The following GRM1 variants were observed in gnomAD, a reference collection of about 807,000 sequenced individuals.
GRM1 encodes glutamate metabotropic receptor 1.
In GRM1, 33 loss-of-function variants were observed where a neutral mutation model predicts 90.9. That is an observed-to-expected ratio of 0.36 (90% CI 0.28 to 0.49). GRM1 has a LOEUF of 0.49. Among genes scored for constraint, GRM1 ranks in the 20% least tolerant of loss-of-function variants. The probability of loss-of-function intolerance (pLI) is 0.99; values close to 1 mark genes in which losing one functional copy is unlikely to be tolerated. For synonymous variants in GRM1, 700 were observed against 613.2 expected (o/e 1.14, Z -2.09); for missense variants, 1,190 against 1,534.3 (o/e 0.78, Z 3.75).
intron 1 of GRM1, among the ~76,000 whole-genome samples, chr6:146,076,369 G>A (rs1776187135): frequency 6.6e-6 from 1 of 152,172 alleles, no homozygotes; most frequent in Admixed American, 6.6e-5. Flanking sequence ...CAGAGGTAAA[G>A]GAAGATGCAG....
intron 2 of GRM1, among the ~76,000 whole-genome samples, chr6:146,227,667 G>A (rs1470499172): frequency 1.3e-5 from 2 of 152,116 alleles, no homozygotes; most frequent in Non-Finnish European, 2.9e-5. Flanking sequence ...AGTAATAACA[G>A]AGATACCAAT....
intron 2 of GRM1, among the ~76,000 whole-genome samples, chr6:146,260,654 A>G (rs991742753): frequency 3.3e-5 from 5 of 152,008 alleles, no homozygotes; most frequent in African/African-American, 1.2e-4. Context: ...TAGCCATCCT[A>G]AAACGTGTGA....
chr6:146,353,537 G>A (rs765018037), intron 4 of GRM1, among the ~76,000 whole-genome samples: 30 of 152,312 alleles, frequency 2.0e-4, no homozygotes, highest in Non-Finnish European at 2.8e-4. Context: ...ATTGCAAGCG[G>A]TGGAGGCAAG....
chr6:146,220,576 C>G (rs1780026528), intron 2 of GRM1, among the ~76,000 whole-genome samples: 1 of 152,106 alleles, frequency 6.6e-6, no homozygotes, highest in African/African-American at 2.4e-5. Flanking sequence ...ATTTCAGAAA[C>G]TGCTGAATAT....
chr6:146,287,860 G>A (rs1782822149), intron 2 of GRM1, among the ~76,000 whole-genome samples: 1 of 152,202 alleles, frequency 6.6e-6, no homozygotes, highest in African/African-American at 2.4e-5. Context: ...GTTCTCAAAA[G>A]GAAGACAGTC....
At chr6:146,343,215 C>T (rs1785044398) in intron 3 of GRM1, among the ~76,000 whole-genome samples, 1 of 152,152 alleles carries the variant, frequency 6.6e-6, no homozygotes, top group Admixed American at 6.5e-5. Flanking sequence ...GAAAAAGCGA[C>T]ATTCTCAAAT....
rs190719323 is a variant in GRM1 at position 146,263,516 on chromosome 6, G to A, written c.951-41095G>A. 3.8e-4 allele frequency among the ~76,000 whole-genome samples: 57 copies of A among 151,962 alleles called. No individual in the cohort carries two copies. The East Asian group carries it at 0.01, about 28-fold the overall frequency. On this transcript the variant is annotated intron_variant, in intron 2 of 7. Coordinates refer to ENST00000282753, the MANE Select transcript of GRM1 (RefSeq NM_001278064.2). ...TGTATGTTCAAAAAATTATAAAATA[G>A]CAGGGAAGTATTATTCAGTAAACAA...
intron 5 of GRM1, among the ~76,000 whole-genome samples, chr6:146,371,692 C>T (rs925506509): frequency 3.9e-5 from 6 of 151,930 alleles, no homozygotes; most frequent in East Asian, 1.9e-4. Context: ...TTTTAGATCC[C>T]GCAGATAAGT....
intron 3 of GRM1, among the ~76,000 whole-genome samples, chr6:146,305,810 C>A (rs371147422): frequency 2.6e-5 from 4 of 152,160 alleles, no homozygotes; most frequent in South Asian, 2.1e-4. Context: ...ATATAGCAAA[C>A]AAAGGGGGAT....
intron 1 of GRM1, among the ~76,000 whole-genome samples, chr6:146,129,722 C>T (rs960628584): frequency 2.0e-5 from 3 of 152,088 alleles, no homozygotes; most frequent in Admixed American, 6.6e-5. Flanking sequence ...GTCTGTTTTG[C>T]GTGGTCATTA....
At chr6:146,192,126 C>T (rs941186980) in intron 2 of GRM1, among the ~76,000 whole-genome samples, 1 of 152,184 alleles carries the variant, frequency 6.6e-6, no homozygotes, top group African/African-American at 2.4e-5. Context: ...TTTCCAAATG[C>T]TAGCGTTCAC....
rs181106803 is a variant in GRM1, at chr6:146,368,096, T to A, written c.1602+10402T>A. 2.9e-3 allele frequency among the ~76,000 whole-genome samples: 445 copies of A among 152,278 alleles called. 7 individuals are homozygous for A. Among genetic ancestry groups the A allele is most frequent in the East Asian group, 0.014 (73 of 5,184 alleles). The stretch of plus-strand genomic sequence containing the variant: ...AATATTTTATCTCTTGGGTTAAATT[T>A]ATTTACAGGTATTTTTTGGTAGCTA... On this transcript the variant is annotated intron_variant, in intron 5 of 7. Transcript: ENST00000282753.
At chr6:146,215,086 T>C (rs1779823785) in intron 2 of GRM1, among the ~76,000 whole-genome samples, 1 of 152,230 alleles carries the variant, frequency 6.6e-6, no homozygotes, top group South Asian at 2.1e-4. Context: ...CTGACTGCAA[T>C]GCTCAAAGTT....
intron 7 of GRM1, among the ~76,000 whole-genome samples, chr6:146,405,267 A>G (rs2114605943): frequency 6.6e-6 from 1 of 152,270 alleles, no homozygotes; most frequent in South Asian, 2.1e-4. Flanking sequence ...CAAAATATTT[A>G]AAGTGCCCAA....
chr6:146,207,060 G>A (rs1368328606), intron 2 of GRM1, among the ~76,000 whole-genome samples: 4 of 152,206 alleles, frequency 2.6e-5, no homozygotes, highest in South Asian at 2.1e-4. Context: ...TCATTGATGG[G>A]CATTTAGGTT....
At position 146,301,804 on chromosome 6, in the gene GRM1, G is replaced by A. The variant is rs528338036; in HGVS notation, c.951-2807G>A. 3.3e-5 allele frequency among the ~76,000 whole-genome samples: 5 copies of A among 152,110 alleles called. No homozygotes were observed. In the South Asian group the frequency reaches 6.2e-4, roughly 19 times the overall value. ...AAATACATTTAAATGTAAATAAACCGGTTTGAGCCTTTCTGAGCAGACTGG... is the reference window on the plus strand; with the variant it reads ...AAATACATTTAAATGTAAATAAACCAGTTTGAGCCTTTCTGAGCAGACTGG... On this transcript the variant is annotated intron_variant, in intron 2 of 7. Coordinates refer to ENST00000282753, the MANE Select transcript of GRM1 (RefSeq NM_001278064.2).
In GRM1 at chr6:146,270,901, CT is replaced by C. The variant is rs1230066512; in HGVS notation, c.951-33707del. Among the ~76,000 whole-genome samples the C allele has an allele frequency of 8.8e-4, 102 of 115,388 alleles. 1 individual carries two copies. Among genetic ancestry groups the C allele is most frequent in the African/African-American group, 3.1e-3 (75 of 24,188 alleles). 75.7% of individuals were successfully genotyped at this position (115,388 alleles called of 152,430 possible). ...TCTTTCTTTCTTTCTTTCTTTCTTT[CT>C]TTCTTTCTTTCTTCCTTCCTTCCTT... is the stretch of plus-strand genomic sequence containing the variant. On this transcript the variant is annotated intron_variant, in intron 2 of 7. Transcript: ENST00000282753.
chr6:146,059,720 C>G (rs1775599274), intron 1 of GRM1, among the ~76,000 whole-genome samples: 1 of 152,162 alleles, frequency 6.6e-6, no homozygotes, highest in African/African-American at 2.4e-5. Context: ...TTATGTAGAT[C>G]TTGATAACTT....
intron 2 of GRM1, among the ~76,000 whole-genome samples, chr6:146,217,837 G>A (rs570177754): frequency 7.3e-6 from 1 of 136,526 alleles, no homozygotes; most frequent in Non-Finnish European, 1.5e-5. Context: ...CAAGGTGAAG[G>A]CTTCCCAGAG....
Sources: allele counts gnomAD v4.1 joint callset (sites outside exome capture counted in the v4.1 genomes callset), GRCh38; gene constraint gnomAD v4.1.1; transcripts MANE v1.5; gene names NCBI Gene and HGNC (gene_info 2026-07-23, HGNC 2026-07-21).